ADGRF3: variants seen among roughly 807,000 people sequenced by gnomAD.
ADGRF3 encodes the protein G protein-coupled receptor 113.
In ADGRF3, 85 loss-of-function variants were observed where a neutral mutation model predicts 93.2. The ratio of observed to expected loss-of-function variants is 0.91; its 90% CI spans 0.77 to 1.09. The LOEUF is 1.09. ADGRF3 is among the 50% of genes least tolerant of loss of function. The pLI, the probability that ADGRF3 is intolerant of heterozygous loss-of-function variation, is 0.00. For synonymous variants in ADGRF3, 534 were observed against 532.5 expected, an observed-to-expected ratio of 1.00 and a Z score of -0.04; for missense variants, 1,125 against 1,246.2, an observed-to-expected ratio of 0.90 and a Z score of 1.46.
At position 26,311,933 on chromosome 2, in the gene ADGRF3, G is replaced by A. The variant is rs7568529; in HGVS notation, c.1591C>T (p.His531Tyr). 0.71 allele frequency: 1,139,847 copies of A among 1,613,564 alleles called. 404,418 individuals carry two copies. Among genetic ancestry groups the A allele is most frequent in the East Asian group, 0.81 (36,437 of 44,842 alleles). Reference sequence around the variant, plus strand: ...TTGGGTAAGCTGAAGGCGAAGGGGTGGTCCTGTGGGCACAGGCTGCATGCC... The same window carrying A: ...TTGGGTAAGCTGAAGGCGAAGGGGTAGTCCTGTGGGCACAGGCTGCATGCC... Reference protein sequence around the residue: ...TLACSLCPQDHPFAFSLPNVL... With the variant: ...TLACSLCPQDYPFAFSLPNVL... The change falls in exon 10 of 14, where the codon CAC (histidine) becomes TAC (tyrosine). Residue 531 changes from histidine (H) to tyrosine (Y), a missense_variant. His to Tyr is a moderately conservative substitution (Grantham distance 83, BLOSUM62 2). Transcript: ENST00000651242.
intron 1 of ADGRF3, 101 bp downstream of exon 1, chr2:26,346,020 G>C: frequency 7.9e-7 from 1 of 1,260,756 alleles, no homozygotes; most frequent in South Asian, 1.4e-5. Flanking sequence ...ACCCCCCCTC[G>C]ATGGGCGGGG....
At chr2:26,315,957 C>G (rs185085772) in intron 4 of ADGRF3, among the ~76,000 whole-genome samples, 1 of 151,846 alleles carries the variant, frequency 6.6e-6, no homozygotes, top group Non-Finnish European at 1.5e-5. Context: ...AAAGAGGGAA[C>G]CTTTTTGGTC....
chr2:26,313,351 C>G (rs771789260), intron 8 of ADGRF3, 26 bp downstream of exon 8: 14 of 1,540,390 alleles, frequency 9.1e-6, no homozygotes, highest in Non-Finnish European at 1.2e-5. Flanking sequence ...GGAGGGGGCA[C>G]GTGGGCAGCA....
intron 1 of ADGRF3, among the ~76,000 whole-genome samples, chr2:26,338,057 A>C (rs1676154906): frequency 6.6e-6 from 1 of 152,150 alleles, no homozygotes; most frequent in Non-Finnish European, 1.5e-5. Flanking sequence ...AGATAAATAA[A>C]TAAATCCCTA....
intron 1 of ADGRF3, among the ~76,000 whole-genome samples, chr2:26,341,670 T>G (rs1021876301): frequency 1.3e-5 from 2 of 151,880 alleles, no homozygotes; most frequent in Non-Finnish European, 2.9e-5. Context: ...TTCCTTTTTG[T>G]TTTTTTTGGT....
At chr2:26,315,784 T>A (rs980195849) in intron 4 of ADGRF3, 44 bp from the exon 5 acceptor site, 1 of 1,549,338 alleles carries the variant, frequency 6.5e-7, no homozygotes, top group Non-Finnish European at 8.7e-7. Context: ...GAGGGACTTA[T>A]GGCCCTCAGA....
intron 1 of ADGRF3, chr2:26,318,795 G>A (rs2147889059): frequency 8.6e-7 from 1 of 1,158,210 alleles, no homozygotes; most frequent in Middle Eastern, 2.0e-4. Flanking sequence ...GTAAAACTGA[G>A]TTCTCAGAGA....
At position 26,314,464 on chromosome 2, in the gene ADGRF3, C is replaced by T. The variant is rs1470523045; in HGVS notation, c.878G>A (p.Ser293Asn). 2 of 1,614,026 alleles carry T rather than the reference C, an allele frequency of 1.2e-6. No homozygotes were observed. The highest frequency in any genetic ancestry group is 1.7e-5 in the Admixed American group (1 of 60,022). Reference sequence around the variant, plus strand: ...GGCCGCGGTGTAGGCCAGGTTTGTGCTGGGGATGCAGCAGCTCAGCTGGAA... The same window carrying T: ...GGCCGCGGTGTAGGCCAGGTTTGTGTTGGGGATGCAGCAGCTCAGCTGGAA... ...PGFQLSCCIPSTNLAYTAAWS... is the reference protein window; with the variant it reads ...PGFQLSCCIPNTNLAYTAAWS... Residue 293 changes from serine to asparagine, a missense_variant, in exon 6 of 14, where the codon AGC becomes AAC. Transcript: ENST00000651242.
chr2:26,334,288 CAAA>C (rs34910544), intron 1 of ADGRF3, among the ~76,000 whole-genome samples: 6 of 110,468 alleles, frequency 5.4e-5, no homozygotes, highest in Admixed American at 2.9e-4. Context: ...GCTATCATCT[CAAA>C]AAAAAAAAAA....
Position 26,311,073 on chromosome 2 carries a change from G to GA in ADGRF3, c.2450dup (p.Met818HisfsTer166). 1 of 1,607,344 alleles carries GA rather than the reference G, an allele frequency of 6.2e-7. No individual in the cohort carries two copies. The highest frequency in any genetic ancestry group is 8.5e-7 in the Non-Finnish European group (1 of 1,177,016). On this transcript the variant is annotated frameshift_variant, in exon 10 of 14. Coordinates refer to ENST00000651242, the MANE Select transcript of ADGRF3 (RefSeq NM_001321971.2). LOFTEE classifies it high-confidence loss of function. The stretch of plus-strand genomic sequence containing the variant: ...GGCACAGGTAGCCCAGGAGCACCAT[G>GA]AGGGGGAGAACTCGGTGCTTTGCCA...
At chr2:26,325,670 A>G (rs1198069745) in intron 1 of ADGRF3, among the ~76,000 whole-genome samples, 7 of 152,242 alleles carry the variant, frequency 4.6e-5, no homozygotes, top group African/African-American at 1.7e-4. Flanking sequence ...AAACCTATGG[A>G]GAGACCAGGA....
At chr2:26,318,101 G>A (rs1453584296) in intron 1 of ADGRF3, 1 of 1,547,790 alleles carries the variant, frequency 6.5e-7, no homozygotes, top group South Asian at 1.2e-5. Flanking sequence ...ATAGGGGGAT[G>A]GGGCAGGCAG....
intron 10 of ADGRF3, 29 bp from the exon 11 acceptor site, chr2:26,310,266 G>A (rs1489283471): frequency 1.9e-6 from 3 of 1,613,350 alleles, no homozygotes; most frequent in African/African-American, 1.3e-5. Context: ...GGATAAGCTG[G>A]TCAAGGAGGA....
At chr2:26,324,505 T>TGTG (rs974213177) in intron 1 of ADGRF3, among the ~76,000 whole-genome samples, 53 of 101,512 alleles carry the variant, frequency 5.2e-4, no homozygotes, top group African/African-American at 2.5e-3. Context: ...GGCCCCAGTG[T>TGTG]GTGTTCCCCT....
intron 1 of ADGRF3, among the ~76,000 whole-genome samples, chr2:26,320,367 A>AT (rs1181926388): frequency 6.6e-6 from 1 of 152,156 alleles, no homozygotes; most frequent in Admixed American, 6.5e-5. Flanking sequence ...GTGGTGGCGC[A>AT]TCCCTGTAAT....
intron 12 of ADGRF3, 31 bp from the exon 13 acceptor site, chr2:26,309,612 G>C: frequency 6.2e-7 from 1 of 1,608,312 alleles, no homozygotes; most frequent in Non-Finnish European, 8.5e-7. Flanking sequence ...CCAATTGCAG[G>C]GCAGTTATTA....
At chr2:26,337,978 G>C (rs904754286) in intron 1 of ADGRF3, among the ~76,000 whole-genome samples, 1 of 152,144 alleles carries the variant, frequency 6.6e-6, no homozygotes, top group Non-Finnish European at 1.5e-5. Context: ...AGCCGAGATC[G>C]TGCCACTGCC....
intron 1 of ADGRF3, among the ~76,000 whole-genome samples, chr2:26,339,115 A>C (rs1273209811): frequency 1.0e-5 from 1 of 100,278 alleles, no homozygotes; most frequent in Non-Finnish European, 2.0e-5. Context: ...ACTCCGTCAC[A>C]AAAAAAAAAA....
Position 26,311,446 on chromosome 2 carries a change from G to A in ADGRF3, c.2078C>T (p.Pro693Leu), listed in dbSNP as rs868818258. The stretch of plus-strand genomic sequence containing the variant: ...AGCGGGTTCTTCCGGAACAGTGTGT[G>A]GGGACATGAGGACGGAGAAGGCAGT... ...HLTAFSVLMS[P>L]HTVPEEPALA... is the part of the protein sequence containing the mutation. Residue 693 changes from proline (P) to leucine (L), a missense_variant, in exon 10 of 14, where the codon CCA becomes CTA. Physicochemically the swap from Pro to Leu is moderately conservative, Grantham distance 98 (BLOSUM62 -3). Coordinates refer to ENST00000651242, the MANE Select transcript of ADGRF3 (RefSeq NM_001321971.2). The A allele has an allele frequency of 1.9e-6, 3 of 1,614,062 alleles. No homozygotes were observed. Among genetic ancestry groups the A allele is most frequent in the Non-Finnish European group, 2.5e-6 (3 of 1,179,894 alleles).
Sources: gnomAD v4.1 joint callset for allele counts (sites outside exome capture counted in the v4.1 genomes callset) on GRCh38, gnomAD v4.1.1 for gene constraint, MANE v1.5 for transcripts, NCBI Gene and HGNC (gene_info 2026-07-23, HGNC 2026-07-21) for gene names.